USH1C: variants seen among roughly 807,000 people sequenced by gnomAD.
The protein encoded by USH1C is USH1 protein network component harmonin.
USH1C carries 90 observed loss-of-function variants against 119.3 expected under a neutral mutation model. That is an observed-to-expected ratio of 0.75 (90% confidence interval 0.64 to 0.90). USH1C has a LOEUF of 0.90. Ranked by LOEUF, USH1C falls within the 40% of genes least tolerant of loss-of-function variation. The pLI is 0.00. For synonymous variants in USH1C, 465 were observed against 443.3 expected (o/e 1.05, Z -0.62); for missense variants, 1,165 against 1,167.7 (o/e 1.00, Z 0.03).
At chr11:17,537,163 T>C (rs946540038) in intron 1 of USH1C, among the ~76,000 whole-genome samples, 19 of 152,234 alleles carry the variant, frequency 1.2e-4, no homozygotes, top group Admixed American at 7.8e-4. Context: ...TACTTTTTCT[T>C]TGTAGTCTTC....
At chr11:17,544,132 C>T (rs1357440846) in intron 1 of USH1C, 140 bp downstream of exon 1, 10 of 1,080,504 alleles carry the variant, frequency 9.3e-6, no homozygotes, top group Non-Finnish European at 1.4e-5. Flanking sequence ...GCCAGCCAGA[C>T]GACCCTCGGG....
rs7105032 is a variant in USH1C, at chr11:17,508,849, C to T, written c.2013+507G>A. ...CTGTAGAAAATGGCACTGGAATGTC[C>T]TAATACTGCATTTGATGGTACAGTG... On this transcript the variant is annotated intron_variant, in intron 18 of 26. Transcript: ENST00000005226. Among the ~76,000 whole-genome samples the T allele has an allele frequency of 3.8e-3, 579 of 152,286 alleles. 2 individuals are homozygous for T. The highest frequency in any genetic ancestry group is 0.012 in the South Asian group (58 of 4,820).
Position 17,531,015 on chromosome 11 carries a change from G to A in USH1C, c.387+139C>T. 1 of 1,345,962 alleles carries A rather than the reference G, an allele frequency of 7.4e-7. No individual in the cohort carries two copies. 83.4% of individuals were successfully genotyped at this position (1,345,962 alleles called of 1,614,324 possible). On this transcript the variant is annotated intron_variant, in intron 4 of 26. Transcript: ENST00000005226. This position sits in a 1 kb window ranked among gnomAD's most constrained non-coding sequence, Gnocchi z 4.2. ...TCTATGAGCCTAAGAACACCCATCA[G>A]GATGCGCCAGCCTCTTCTTCACCCG...
rs1554957167 is a variant in USH1C at position 17,509,809 on chromosome 11, A to AG, written c.1559dup (p.Ser521PhefsTer22). ...AGGGTGGGGCCAGGGGAGACACAGA[A>AG]GGCGGGGGAGGCGGGGGCCCTGTGG... On this transcript the variant is annotated frameshift_variant, in exon 18 of 27. Transcript: ENST00000005226. LOFTEE classifies it high-confidence loss of function. 8 of 1,446,192 alleles carry AG rather than the reference A, an allele frequency of 5.5e-6. No homozygotes were observed. In the Admixed American group the frequency reaches 9.5e-5, roughly 17 times the overall value. 89.6% of individuals were successfully genotyped at this position (1,446,192 alleles called of 1,614,324 possible). A position where few individuals can be genotyped will look rare whatever the true frequency, so the allele number is the denominator to read the frequency against.
In USH1C at chr11:17,509,799, G is replaced by A. The variant is rs576189967; in HGVS notation, c.1570C>T (p.Pro524Ser). ...GPPPPPPSVS[P>S]LAPPLRRFAG... ...AAGCGTCTCAAGGGTGGGGCCAGGG[G>A]AGACACAGAAGGCGGGGGAGGCGGG... The change falls in exon 18 of 27, where the codon CCC (proline) becomes TCC (serine). Residue 524 changes from proline to serine, a missense_variant. By Grantham distance (74) the Pro-to-Ser change is moderately conservative. Transcript: ENST00000005226. 2 of 1,599,692 alleles carry A rather than the reference G, an allele frequency of 1.3e-6. No individual in the cohort carries two copies. Among genetic ancestry groups the A allele is most frequent in the African/African-American group, 1.3e-5 (1 of 74,700 alleles).
chr11:17,541,302 A>T (rs1479819423), intron 1 of USH1C, among the ~76,000 whole-genome samples: 2 of 152,238 alleles, frequency 1.3e-5, no homozygotes, highest in African/African-American at 4.8e-5. Flanking sequence ...GTACTGTCTA[A>T]GACAGCAAGG....
At chr11:17,500,730 C>A (rs142257184) in intron 23 of USH1C, among the ~76,000 whole-genome samples, 1 of 152,212 alleles carries the variant, frequency 6.6e-6, no homozygotes, top group African/African-American at 2.4e-5. Context: ...CCCATGGCTT[C>A]CCTCCACTCT....
chr11:17,507,145 C>G (rs777150466), intron 18 of USH1C, among the ~76,000 whole-genome samples: 3 of 152,110 alleles, frequency 2.0e-5, no homozygotes. Flanking sequence ...GGCGTGTGGT[C>G]ACTCACACTT....
chr11:17,509,334 G>A (rs1022853036), intron 18 of USH1C, 22 bp downstream of exon 18: 13 of 1,546,974 alleles, frequency 8.4e-6, no homozygotes, highest in Non-Finnish European at 1.1e-5. Flanking sequence ...TCCAAACATA[G>A]CATGCAGAAC....
chr11:17,498,688 C>T (rs1201186250), intron 23 of USH1C, among the ~76,000 whole-genome samples: 1 of 152,214 alleles, frequency 6.6e-6, no homozygotes, highest in African/African-American at 2.4e-5. Context: ...CTGTTCCCTA[C>T]CTTGCTTTCT....
chr11:17,496,147 G>T (rs1019127040), intron 25 of USH1C, among the ~76,000 whole-genome samples: 1 of 150,804 alleles, frequency 6.6e-6, no homozygotes, highest in Non-Finnish European at 1.5e-5. Context: ...GGAAGGAGGG[G>T]GGCAGATAAG....
intron 16 of USH1C, 136 bp from the exon 17 acceptor site, chr11:17,510,657 T>A (rs1301021720): frequency 2.7e-6 from 2 of 738,054 alleles, no homozygotes; most frequent in African/African-American, 3.5e-5. Context: ...GAAAGAGACC[T>A]GGGCTTGTTC....
At chr11:17,535,623 G>T (rs1227815384) in intron 1 of USH1C, among the ~76,000 whole-genome samples, 2 of 152,144 alleles carry the variant, frequency 1.3e-5, no homozygotes, top group Non-Finnish European at 2.9e-5. Flanking sequence ...AGTATTGAAT[G>T]AATTTATCTG....
rs1301152904 is a variant in USH1C at position 17,510,435 on chromosome 11, C to A, written c.1500G>T (p.Gln500His). 1 of 1,612,380 alleles carries A rather than the reference C, an allele frequency of 6.2e-7. No homozygotes were observed. The highest frequency in any genetic ancestry group is 8.5e-7 in the Non-Finnish European group (1 of 1,179,734). Residue 500 changes from glutamine to histidine, a missense_variant, in exon 17 of 27, where the codon CAG becomes CAT. By Grantham distance (24) the Gln-to-His change is conservative (BLOSUM62 0). Coordinates refer to ENST00000005226, the MANE Select transcript of USH1C (RefSeq NM_153676.4). ...VERLCQTRLE[Q>H]ISSADNEISE... is the part of the protein sequence containing the mutation. Reference sequence around the variant, plus strand: ...AAATCTCATTATCAGCAGAGGAAATCTGCTCGAGGCGCGTTTGACAGAGCC... The same window carrying A: ...AAATCTCATTATCAGCAGAGGAAATATGCTCGAGGCGCGTTTGACAGAGCC...
Position 17,498,260 on chromosome 11 carries a change from T to C in USH1C, c.2392A>G (p.Lys798Glu), listed in dbSNP as rs566839242. ...GAAERHGGIVKGDEIMAINGK... is the reference protein window; with the variant it reads ...GAAERHGGIVEGDEIMAINGK... ...TTGATTGCCATGATCTCGTCCCCTT[T>C]CACAATGCCACCTGCAGGCAGATGA... Residue 798 changes from lysine (K) to glutamate (E), a missense_variant, in exon 24 of 27, where the codon AAA becomes GAA. By Grantham distance (56) the Lys-to-Glu change is moderately conservative (BLOSUM62 1). Coordinates refer to ENST00000005226, the MANE Select transcript of USH1C (RefSeq NM_153676.4). 6.2e-7 allele frequency: 1 copy of C among 1,614,108 alleles called. No individual in the cohort carries two copies. Among genetic ancestry groups the C allele is most frequent in the African/African-American group, 1.3e-5 (1 of 75,028 alleles).
At position 17,528,116 on chromosome 11, in the gene USH1C, T is replaced by C. The variant is rs780937595; in HGVS notation, c.388-785A>G. 5.3e-5 allele frequency among the ~76,000 whole-genome samples: 8 copies of C among 152,194 alleles called. No individual in the cohort carries two copies. In the East Asian group the frequency reaches 1.5e-3, roughly 29 times the overall value. On this transcript the variant is annotated intron_variant, in intron 4 of 26. Coordinates refer to ENST00000005226, the MANE Select transcript of USH1C (RefSeq NM_153676.4). ...TACCAAGGTTGCTGTGAGAATTAAG[T>C]GAACTTGTGCATGTAAAGACAGCTA...
intron 25 of USH1C, among the ~76,000 whole-genome samples, chr11:17,496,357 A>C (rs1051496414): frequency 2.0e-5 from 3 of 152,214 alleles, no homozygotes; most frequent in Admixed American, 6.5e-5. Context: ...GTATGAGTGA[A>C]TGCAGTTAGA....
intron 1 of USH1C, among the ~76,000 whole-genome samples, chr11:17,541,762 G>A (rs1851476457): frequency 6.6e-6 from 1 of 152,216 alleles, no homozygotes; most frequent in Admixed American, 6.5e-5. Flanking sequence ...GGAGCCTGTT[G>A]GCTCCCACTG....
At chr11:17,500,215 G>T (rs72868481) in intron 23 of USH1C, among the ~76,000 whole-genome samples, 5 of 152,040 alleles carry the variant, frequency 3.3e-5, no homozygotes, top group African/African-American at 4.8e-5. Context: ...GGGTATGGGG[G>T]CCTCTGGCCC....
Sources: gnomAD v4.1 joint callset for allele counts (sites outside exome capture counted in the v4.1 genomes callset) on GRCh38, gnomAD v4.1.1 for gene constraint, Gnocchi (gnomAD v3.1) non-coding constraint, MANE v1.5 for transcripts, NCBI Gene and HGNC (gene_info 2026-07-23, HGNC 2026-07-21) for gene names.